PLEKHM1: variants seen among roughly 807,000 people sequenced by gnomAD.
The protein encoded by PLEKHM1 is pleckstrin homology domain-containing family M member 1.
In PLEKHM1, 28 loss-of-function variants were observed where a neutral mutation model predicts 94.3. That is an observed-to-expected ratio of 0.30 (90% CI 0.22 to 0.41). The LOEUF is 0.41. Ranked by LOEUF, PLEKHM1 falls within the 10% of genes least tolerant of loss-of-function variation. PLEKHM1 has a pLI of 1.00. For synonymous variants in PLEKHM1, 424 were observed against 581.2 expected (o/e 0.73, Z 3.89); for missense variants, 907 against 1,358.6 (o/e 0.67, Z 5.22).
In PLEKHM1 at chr17:45,437,027, G is replaced by A. The variant is rs529723035; in HGVS notation, c.*831C>T. The A allele has an allele frequency of 4.0e-5, 18 of 454,402 alleles. No homozygotes were observed. The highest frequency in any genetic ancestry group is 2.8e-4 in the East Asian group (4 of 14,376). 28.1% of individuals were successfully genotyped at this position (454,402 alleles called of 1,614,324 possible). A position where few individuals can be genotyped will look rare whatever the true frequency, so the allele number is the denominator to read the frequency against. On this transcript the variant is annotated 3_prime_UTR_variant, in exon 12 of 12. Transcript: ENST00000430334. This position sits in a 1 kb window ranked among gnomAD's most constrained non-coding sequence, Gnocchi z 4.0. ...CACGGGGATCGGGGGTGGGCAAGAC[G>A]GCGACCCTCCATAAACCGAGGAGGG...
In PLEKHM1 at chr17:45,458,410, G is replaced by T; in HGVS notation, c.1338C>A (p.Asp446Glu). Residue 446 changes from aspartate to glutamate, a missense_variant, in exon 6 of 12, where the codon GAC becomes GAA. Transcript: ENST00000430334. ...GTTGCTCCCGGGAAGGCCGGTAGAA[G>T]TCATCCTCTGAGATCCAGCTCTTGT... ...PKNKSWISED[D>E]FYRPSREQPL... The T allele has an allele frequency of 6.2e-7, 1 of 1,613,756 alleles. No individual in the cohort carries two copies. Among genetic ancestry groups the T allele is most frequent in the Non-Finnish European group, 8.5e-7 (1 of 1,179,630 alleles).
At chr17:45,440,037 A>G in intron 10 of PLEKHM1, 126 bp downstream of exon 10, 1 of 924,062 alleles carries the variant, frequency 1.1e-6, no homozygotes, top group East Asian at 2.5e-5. Context: ...CCTGAGCTGC[A>G]GAAAAGCTAC....
intron 6 of PLEKHM1, among the ~76,000 whole-genome samples, chr17:45,455,681 C>T (rs969398301): frequency 3.9e-5 from 6 of 152,188 alleles, no homozygotes; most frequent in Admixed American, 2.0e-4. Context: ...TTGGCTCTGC[C>T]TTCCACACAT....
chr17:45,440,328 C>A (rs773748491), intron 9 of PLEKHM1, 102 bp from the exon 10 acceptor site: 137 of 1,199,044 alleles, frequency 1.1e-4, no homozygotes, highest in Non-Finnish European at 1.6e-4. Context: ...CAGGCAGACA[C>A]CCCCCGCCTG....
chr17:45,447,800 CT>C (rs67636342), intron 8 of PLEKHM1: 2,405 of 144,200 alleles, frequency 0.017, 42 homozygotes, highest in African/African-American at 0.051. Context: ...TTGTACTTTT[CT>C]TTTTTTTTTT....
At chr17:45,461,705 T>C (rs535319338) in intron 5 of PLEKHM1, among the ~76,000 whole-genome samples, 77 of 152,276 alleles carry the variant, frequency 5.1e-4, no homozygotes, top group African/African-American at 1.6e-3. Flanking sequence ...GCCGCCTCTG[T>C]CTCTGCCGCC....
Position 45,475,304 on chromosome 17 carries a change from T to A in PLEKHM1, c.719A>T (p.Lys240Met). Residue 240 changes from lysine (K) to methionine (M), a missense_variant, in exon 4 of 12, where the codon AAG becomes ATG. Around this residue, in one of 3 missense-constraint regions of PLEKHM1, gnomAD observed 176 missense variants for 306.0 expected, o/e 0.58. Coordinates refer to ENST00000430334, the MANE Select transcript of PLEKHM1 (RefSeq NM_014798.3). ...EDIEVHHSGH[K>M]IRRNQKLTAS... is the part of the protein sequence containing the mutation. ...AGTCAGCTTCTGGTTCCTCCGTATC[T>A]TATGGCCCGAGTGATGGACTTCGAT... 6.2e-7 allele frequency: 1 copy of A among 1,613,960 alleles called. No homozygotes were observed. Among genetic ancestry groups the A allele is most frequent in the Non-Finnish European group, 8.5e-7 (1 of 1,179,866 alleles).
chr17:45,483,986 C>T (rs1017071079), intron 1 of PLEKHM1, among the ~76,000 whole-genome samples: 5 of 152,220 alleles, frequency 3.3e-5, no homozygotes, highest in African/African-American at 1.2e-4. Context: ...CAGGCCATGA[C>T]ACGAAGTGGG....
At chr17:45,442,640 G>T (rs1227148619) in intron 9 of PLEKHM1, among the ~76,000 whole-genome samples, 1 of 152,170 alleles carries the variant, frequency 6.6e-6, no homozygotes, top group Admixed American at 6.5e-5. Context: ...CCTGACCGTA[G>T]GTGATCCAAC....
At chr17:45,482,653 A>G (rs1407418606) in intron 1 of PLEKHM1, 128 bp from the exon 2 acceptor site, 1 of 702,572 alleles carries the variant, frequency 1.4e-6, no homozygotes, top group East Asian at 2.7e-5. Context: ...TTTGCAGAAC[A>G]CAAAAGTAAA....
In PLEKHM1 at chr17:45,450,772, A is replaced by G; in HGVS notation, c.2498-9T>C. 6.7e-7 allele frequency: 1 copy of G among 1,493,258 alleles called. No individual in the cohort carries two copies. The highest frequency in any genetic ancestry group is 9.1e-7 in the Non-Finnish European group (1 of 1,096,136). 92.5% of individuals were successfully genotyped at this position (1,493,258 alleles called of 1,614,324 possible). On this transcript the variant is annotated splice_polypyrimidine_tract_variant and intron_variant, in intron 7 of 11. Transcript: ENST00000430334. ...GATCTGCCGGGAGCAGCCTGGGGAG[A>G]TGGGTGGAGAGTGAGTGGTGTGGCC... is the stretch of plus-strand genomic sequence containing the variant.
rs2051047422 is a variant in PLEKHM1, at chr17:45,458,538, T to C, written c.1309-99A>G. ...CAGGCTGGAGTGCAATCGCGCAACC[T>C]CGGCTCACTGCAACCTCTGACTCCT... On this transcript the variant is annotated intron_variant, in intron 5 of 11. Coordinates refer to ENST00000430334, the MANE Select transcript of PLEKHM1 (RefSeq NM_014798.3). 3 of 1,196,154 alleles carry C rather than the reference T, an allele frequency of 2.5e-6. No individual in the cohort carries two copies. The African/African-American group carries it at 4.5e-5, about 18-fold the overall frequency. 74.1% of individuals were successfully genotyped at this position (1,196,154 alleles called of 1,614,324 possible).
chr17:45,490,021 G>A, intron 1 of PLEKHM1, among the ~76,000 whole-genome samples: 1 of 152,158 alleles, frequency 6.6e-6, no homozygotes, highest in Non-Finnish European at 1.5e-5. Context: ...GTGGCTAGGA[G>A]ACTAAGGACG....
At position 45,444,758 on chromosome 17, in the gene PLEKHM1, A is replaced by G. The variant is rs1158611497; in HGVS notation, c.2837+712T>C. ...CTTTCTGATTCTTCCTAATTTTTCA[A>G]GTCTCACCTTATAAGTCACTTCCTC... On this transcript the variant is annotated intron_variant, in intron 9 of 11. Coordinates refer to ENST00000430334, the MANE Select transcript of PLEKHM1 (RefSeq NM_014798.3). This position sits in a 1 kb window ranked among gnomAD's most constrained non-coding sequence, Gnocchi z 5.0. Among the ~76,000 whole-genome samples, 1 of 151,874 alleles carries G rather than the reference A, an allele frequency of 6.6e-6. No individual in the cohort carries two copies. The highest frequency in any genetic ancestry group is 2.4e-5 in the African/African-American group (1 of 41,308).
At chr17:45,440,295 T>C in intron 9 of PLEKHM1, 69 bp from the exon 10 acceptor site, 1 of 1,458,542 alleles carries the variant, frequency 6.9e-7, no homozygotes, top group Non-Finnish European at 9.6e-7. Context: ...GTTGTTTGTT[T>C]ACACTCCCCT....
In PLEKHM1 at chr17:45,453,260, G is replaced by T. The variant is rs1489298545; in HGVS notation, c.2497+95C>A. 1 of 1,202,658 alleles carries T rather than the reference G, an allele frequency of 8.3e-7. No individual in the cohort carries two copies. The highest frequency in any genetic ancestry group is 1.5e-5 in the African/African-American group (1 of 66,388). The allele number at this position is 1,202,658 out of a possible 1,614,324, so 74.5% of individuals were successfully genotyped here. Reference sequence around the variant, plus strand: ...CCCTAGGGGAAGGATGGGGGCATTTGCGGGGAGGCAGAAGGGTGGGGAGCC... The same window carrying T: ...CCCTAGGGGAAGGATGGGGGCATTTTCGGGGAGGCAGAAGGGTGGGGAGCC... On this transcript the variant is annotated intron_variant, in intron 7 of 11. Transcript: ENST00000430334. This position sits in a 1 kb window ranked among gnomAD's most constrained non-coding sequence, Gnocchi z 4.1.
chr17:45,472,793 T>C (rs568422273), intron 4 of PLEKHM1, among the ~76,000 whole-genome samples: 24 of 152,112 alleles, frequency 1.6e-4, no homozygotes, highest in Non-Finnish European at 3.4e-4. Flanking sequence ...GACTCGAAAC[T>C]AGGTCGGCTC....
intron 9 of PLEKHM1, among the ~76,000 whole-genome samples, chr17:45,441,427 G>C (rs1305750009): frequency 6.6e-6 from 1 of 152,196 alleles, no homozygotes; most frequent in African/African-American, 2.4e-5. Context: ...TACCATGCTG[G>C]TGTCCCCAGT....
At chr17:45,461,339 CTT>C (rs1447014583) in intron 5 of PLEKHM1, among the ~76,000 whole-genome samples, 1 of 152,148 alleles carries the variant, frequency 6.6e-6, no homozygotes, top group African/African-American at 2.4e-5. Context: ...TGTGAGGTGT[CTT>C]TTCATTTTCC....
Sources: allele counts gnomAD v4.1 joint callset (sites outside exome capture counted in the v4.1 genomes callset), GRCh38; gene constraint gnomAD v4.1.1; regional missense constraint gnomAD v4.1.1; non-coding constraint Gnocchi (gnomAD v3.1); transcripts MANE v1.5; gene names NCBI Gene and HGNC (gene_info 2026-07-23, HGNC 2026-07-21).